Variants in CLVS2 observed in about 807,000 individuals in gnomAD.
The protein encoded by CLVS2 is clavesin-2.
A neutral mutation model predicts 29.0 loss-of-function variants in CLVS2; 19 were observed. That is an observed-to-expected ratio of 0.66 (90% confidence interval 0.46 to 0.96). The LOEUF (loss-of-function observed/expected upper bound fraction) is 0.96. Ranked by LOEUF, CLVS2 falls within the 40% of genes least tolerant of loss-of-function variation. The probability of loss-of-function intolerance (pLI) is 0.00; values close to 1 mark genes in which losing one functional copy is unlikely to be tolerated. For missense variants in CLVS2, 294 were observed against 404.1 expected (o/e 0.73, Z 2.34); for synonymous variants, 161 against 151.3 (o/e 1.06, Z -0.47).
At chr6:123,025,158 T>C (rs142219304) in intron 3 of CLVS2, among the ~76,000 whole-genome samples, 92 of 152,126 alleles carry the variant, frequency 6.0e-4, no homozygotes, top group African/African-American at 2.0e-3. Flanking sequence ...AATAAGGGGG[T>C]TGCCCAGCTA....
chr6:123,002,298 A>G (rs1774600971), intron 2 of CLVS2, among the ~76,000 whole-genome samples: 1 of 152,192 alleles, frequency 6.6e-6, no homozygotes, highest in Middle Eastern at 3.2e-3. Context: ...GATTGGTCAG[A>G]CATTGATATG....
At chr6:123,008,346 A>G (rs1774700302) in intron 2 of CLVS2, among the ~76,000 whole-genome samples, 1 of 152,046 alleles carries the variant, frequency 6.6e-6, no homozygotes, top group Non-Finnish European at 1.5e-5. Flanking sequence ...GCCTTATATT[A>G]TTTCCTTTGG....
intron 3 of CLVS2, among the ~76,000 whole-genome samples, chr6:123,025,097 C>T (rs1027601292): frequency 6.6e-6 from 1 of 151,998 alleles, no homozygotes; most frequent in Admixed American, 6.6e-5. Context: ...TTACTTCATC[C>T]GTTGTTTTCA....
chr6:123,059,365 CA>C (rs1165315290), intron 5 of CLVS2, among the ~76,000 whole-genome samples: 1 of 152,104 alleles, frequency 6.6e-6, no homozygotes, highest in African/African-American at 2.4e-5. Context: ...CACCCCACCC[CA>C]AAGTAAGCTT....
intron 3 of CLVS2, among the ~76,000 whole-genome samples, chr6:123,036,863 A>C (rs1223889897): frequency 6.6e-6 from 1 of 152,140 alleles, no homozygotes; most frequent in African/African-American, 2.4e-5. Context: ...TAGAGCTAAA[A>C]GCGTTCTGGC....
intron 3 of CLVS2, among the ~76,000 whole-genome samples, chr6:123,046,384 G>A (rs567101897): frequency 2.6e-5 from 4 of 152,276 alleles, no homozygotes; most frequent in East Asian, 1.9e-4. Context: ...AGCCGGCCAG[G>A]TGCAGTAGCT....
At chr6:123,058,210 G>T (rs141268303) in intron 5 of CLVS2, among the ~76,000 whole-genome samples, 1 of 151,902 alleles carries the variant, frequency 6.6e-6, no homozygotes, top group Admixed American at 6.6e-5. Context: ...CATCCTCAAC[G>T]TTAGGTAGTC....
At chr6:123,014,530 T>C (rs1309080001) in intron 3 of CLVS2, among the ~76,000 whole-genome samples, 1 of 152,094 alleles carries the variant, frequency 6.6e-6, no homozygotes, top group Non-Finnish European at 1.5e-5. Flanking sequence ...AACCCTGCCA[T>C]GCATCAAATA....
At chr6:123,032,348 G>A (rs1193873341) in intron 3 of CLVS2, among the ~76,000 whole-genome samples, 1 of 152,028 alleles carries the variant, frequency 6.6e-6, no homozygotes, top group Non-Finnish European at 1.5e-5. Flanking sequence ...AGGAGTAGGG[G>A]AGACAAATAT....
At chr6:123,006,886 A>G (rs1774676852) in intron 2 of CLVS2, among the ~76,000 whole-genome samples, 1 of 152,214 alleles carries the variant, frequency 6.6e-6, no homozygotes, top group African/African-American at 2.4e-5. Flanking sequence ...CAGCAGGGGA[A>G]CAAAGTCTTA....
chr6:123,054,546 G>T (rs1052274635), intron 4 of CLVS2, among the ~76,000 whole-genome samples: 5 of 152,312 alleles, frequency 3.3e-5, no homozygotes, highest in Non-Finnish European at 7.3e-5. Flanking sequence ...ATATTGTAGA[G>T]TAATCTTTCT....
intron 3 of CLVS2, among the ~76,000 whole-genome samples, chr6:123,014,801 G>C (rs1383122717): frequency 6.6e-6 from 1 of 151,976 alleles, no homozygotes; most frequent in Non-Finnish European, 1.5e-5. Flanking sequence ...TTGGTGCTCA[G>C]ACTTTAGATA....
At chr6:123,032,735 A>T (rs1396789132) in intron 3 of CLVS2, among the ~76,000 whole-genome samples, 1 of 152,070 alleles carries the variant, frequency 6.6e-6, no homozygotes, top group East Asian at 1.9e-4. Context: ...TTACCAGTGA[A>T]TACAAAAATT....
rs1364558322 is a variant in CLVS2 at position 122,997,467 on chromosome 6, A to G, written c.-311A>G. The G allele has an allele frequency of 2.2e-5, 8 of 362,894 alleles. No homozygotes were observed. The highest frequency in any genetic ancestry group is 3.7e-5 in the Non-Finnish European group (7 of 189,904). 22.5% of individuals were successfully genotyped at this position (362,894 alleles called of 1,614,324 possible). A position where few individuals can be genotyped will look rare whatever the true frequency, so the allele number is the denominator to read the frequency against. On this transcript the variant is annotated 5_prime_UTR_variant, in exon 2 of 6. Transcript: ENST00000275162. Reference sequence around the variant, plus strand: ...TGATTTGTTAGGAAAGAGAAAGGACAAGAAGAGGAGTGCGGAGCCCTTCAG... The same window carrying G: ...TGATTTGTTAGGAAAGAGAAAGGACGAGAAGAGGAGTGCGGAGCCCTTCAG...
At chr6:123,008,657 A>G (rs1020123782) in intron 2 of CLVS2, among the ~76,000 whole-genome samples, 1 of 150,818 alleles carries the variant, frequency 6.6e-6, no homozygotes, top group African/African-American at 2.4e-5. Context: ...CTTCACCGTG[A>G]TATTATTATG....
chr6:123,006,170 C>T (rs1415973241), intron 2 of CLVS2, among the ~76,000 whole-genome samples: 1 of 152,168 alleles, frequency 6.6e-6, no homozygotes, highest in African/African-American at 2.4e-5. Flanking sequence ...GTGGCGGGCC[C>T]AGAGGAGGGC....
chr6:123,046,530 A>T (rs1301862941), intron 3 of CLVS2, among the ~76,000 whole-genome samples: 1 of 151,920 alleles, frequency 6.6e-6, no homozygotes, highest in Admixed American at 6.6e-5. Flanking sequence ...GTGGTGGTGC[A>T]TGCCTGTAGT....
At chr6:123,035,329 C>G (rs530730410) in intron 3 of CLVS2, among the ~76,000 whole-genome samples, 7 of 151,110 alleles carry the variant, frequency 4.6e-5, no homozygotes, top group African/African-American at 1.7e-4. Flanking sequence ...CACATACATA[C>G]CCATACAAAC....
At chr6:123,019,996 C>A (rs1019886564) in intron 3 of CLVS2, among the ~76,000 whole-genome samples, 1 of 151,622 alleles carries the variant, frequency 6.6e-6, no homozygotes, top group South Asian at 2.1e-4. Flanking sequence ...AGACTTTTGA[C>A]AGATTGGATG....
Sources: gnomAD v4.1 joint callset for allele counts (sites outside exome capture counted in the v4.1 genomes callset) on GRCh38, gnomAD v4.1.1 for gene constraint, MANE v1.5 for transcripts, NCBI Gene and HGNC (gene_info 2026-07-23, HGNC 2026-07-21) for gene names.